Variants in NAALADL2 observed in about 807,000 individuals in gnomAD.
The protein encoded by NAALADL2 is N-acetylated alpha-linked acidic dipeptidase like 2.
A neutral mutation model predicts 87.2 loss-of-function variants in NAALADL2; 76 were observed. The ratio of observed to expected loss-of-function variants is 0.87; its 90% CI spans 0.72 to 1.05. The LOEUF (loss-of-function observed/expected upper bound fraction) is 1.05. Among genes scored for constraint, NAALADL2 ranks in the 50% least tolerant of loss-of-function variants. The pLI, the probability that NAALADL2 is intolerant of heterozygous loss-of-function variation, is 0.00. For missense variants in NAALADL2, 1,089 were observed against 945.8 expected, an observed-to-expected ratio of 1.15 and a Z score of -1.99; for synonymous variants, 354 against 331.0, an observed-to-expected ratio of 1.07 and a Z score of -0.75.
chr3:175,664,335 C>T (rs1362623071), intron 11 of NAALADL2, among the ~76,000 whole-genome samples: 1 of 152,020 alleles, frequency 6.6e-6, no homozygotes, highest in Non-Finnish European at 1.5e-5. Context: ...GAGTTATTTC[C>T]TTGAATATAG....
intron 3 of NAALADL2, among the ~76,000 whole-genome samples, chr3:174,748,505 C>G (rs901678741): frequency 2.0e-5 from 3 of 151,880 alleles, no homozygotes; most frequent in African/African-American, 4.8e-5. Flanking sequence ...CCTCTGGACC[C>G]CAGAACTGTA....
intron 3 of NAALADL2, among the ~76,000 whole-genome samples, chr3:175,238,969 C>CT (rs1283952349): frequency 6.6e-6 from 1 of 152,168 alleles, no homozygotes; most frequent in Non-Finnish European, 1.5e-5. Flanking sequence ...TGCCCCTTTT[C>CT]TTGGAAGAGC....
chr3:175,405,682 T>C (rs936053026), intron 5 of NAALADL2, among the ~76,000 whole-genome samples: 4 of 150,380 alleles, frequency 2.7e-5, no homozygotes, highest in African/African-American at 9.8e-5. Flanking sequence ...GCTGGAGAAA[T>C]AACAATGAAC....
At chr3:175,618,665 A>T (rs151243109) in intron 10 of NAALADL2, among the ~76,000 whole-genome samples, 44 of 152,152 alleles carry the variant, frequency 2.9e-4, no homozygotes, top group African/African-American at 1.0e-3. Flanking sequence ...GTGACACAGG[A>T]TGGAGGGAGA....
chr3:175,786,517 C>T (rs1751985478), intron 13 of NAALADL2, among the ~76,000 whole-genome samples: 1 of 152,132 alleles, frequency 6.6e-6, no homozygotes, highest in Non-Finnish European at 1.5e-5. Flanking sequence ...CTGCATTCTT[C>T]ACGTAGTTCT....
chr3:174,814,225 C>T (rs1720539268), intron 3 of NAALADL2, among the ~76,000 whole-genome samples: 1 of 152,086 alleles, frequency 6.6e-6, no homozygotes, highest in African/African-American at 2.4e-5. Flanking sequence ...TCTTCTGCCT[C>T]AGCCTCCCAA....
intron 2 of NAALADL2, among the ~76,000 whole-genome samples, chr3:174,596,942 T>C (rs1674681074): frequency 6.6e-6 from 1 of 152,202 alleles, no homozygotes; most frequent in Non-Finnish European, 1.5e-5. Flanking sequence ...TTAACTTCTA[T>C]TGGGCTCTCA....
intron 8 of NAALADL2, among the ~76,000 whole-genome samples, chr3:175,470,473 T>C (rs1398645321): frequency 6.6e-6 from 1 of 152,142 alleles, no homozygotes; most frequent in Admixed American, 6.6e-5. Flanking sequence ...TAAAATTATA[T>C]CATTTTAAGC....
At chr3:175,681,817 A>C (rs1051143935) in intron 11 of NAALADL2, among the ~76,000 whole-genome samples, 1 of 152,322 alleles carries the variant, frequency 6.6e-6, no homozygotes, top group African/African-American at 2.4e-5. Flanking sequence ...CAATGCTTGA[A>C]GACAGGGGCT....
Position 175,301,676 on chromosome 3 carries a change from A to G in NAALADL2, c.940-22499A>G, listed in dbSNP as rs1475916394. Among the ~76,000 whole-genome samples, 6 of 152,348 alleles carry G rather than the reference A, an allele frequency of 3.9e-5. No individual in the cohort carries two copies. The East Asian group carries it at 7.7e-4, about 20-fold the overall frequency. Reference sequence around the variant, plus strand: ...TGGCAGGATTGATAACAACTGATGTATACCAGAAAGAAAGTGAAAGATGAA... The same window carrying G: ...TGGCAGGATTGATAACAACTGATGTGTACCAGAAAGAAAGTGAAAGATGAA... On this transcript the variant is annotated intron_variant, in intron 4 of 13. Transcript: ENST00000454872.
At chr3:175,423,028 AATAT>A (rs71634273) in intron 5 of NAALADL2, among the ~76,000 whole-genome samples, 2 of 111,320 alleles carry the variant, frequency 1.8e-5, no homozygotes, top group Non-Finnish European at 1.7e-5. Flanking sequence ...GAAAAAAAAA[AATAT>A]ATATATATAT....
chr3:174,626,957 T>C (rs911413699), intron 2 of NAALADL2, among the ~76,000 whole-genome samples: 1 of 152,120 alleles, frequency 6.6e-6, no homozygotes, highest in African/African-American at 2.4e-5. Context: ...ACAAAGATGA[T>C]TCATTTATTC....
chr3:175,716,886 T>C (rs1741377254), intron 11 of NAALADL2, among the ~76,000 whole-genome samples: 1 of 152,280 alleles, frequency 6.6e-6, no homozygotes, highest in Middle Eastern at 3.4e-3. Context: ...TCCATAGTTA[T>C]AGAATAATGG....
At chr3:175,646,238 A>T (rs1381249138) in intron 11 of NAALADL2, among the ~76,000 whole-genome samples, 6 of 152,050 alleles carry the variant, frequency 3.9e-5, no homozygotes, top group Non-Finnish European at 8.8e-5. Flanking sequence ...TATTTTCAGT[A>T]TGCCAATATA....
intron 1 of NAALADL2, among the ~76,000 whole-genome samples, chr3:174,877,276 A>G (rs914346630): frequency 6.6e-6 from 1 of 152,122 alleles, no homozygotes; most frequent in African/African-American, 2.4e-5. Flanking sequence ...TATGCACCAA[A>G]CTTGAGATCT....
intron 1 of NAALADL2, among the ~76,000 whole-genome samples, chr3:175,025,080 C>T (rs1390574676): frequency 2.0e-5 from 3 of 151,844 alleles, no homozygotes; most frequent in Non-Finnish European, 2.9e-5. Context: ...CTCACTTTTT[C>T]GCTTTGGTAG....
intron 2 of NAALADL2, among the ~76,000 whole-genome samples, chr3:175,155,862 C>T (rs13068869): frequency 0.29 from 44,060 of 151,776 alleles, 6,669 homozygotes; most frequent in Non-Finnish European, 0.34. Context: ...AAACTCCCCA[C>T]GTAACGGTAA....
chr3:175,534,177 A>T (rs1037525017), intron 9 of NAALADL2, among the ~76,000 whole-genome samples: 24 of 151,130 alleles, frequency 1.6e-4, no homozygotes, highest in African/African-American at 5.6e-4. Flanking sequence ...CAACAAAATA[A>T]CTCCATCCTT....
chr3:175,279,003 A>G (rs1468350368), intron 4 of NAALADL2, among the ~76,000 whole-genome samples: 1 of 152,188 alleles, frequency 6.6e-6, no homozygotes, highest in Non-Finnish European at 1.5e-5. Context: ...TGAAGTGAGC[A>G]TACGGTTTTT....
Sources: allele counts gnomAD v4.1 joint callset (sites outside exome capture counted in the v4.1 genomes callset), GRCh38; gene constraint gnomAD v4.1.1; transcripts MANE v1.5; gene names NCBI Gene and HGNC (gene_info 2026-07-23, HGNC 2026-07-21).